Variants in PIK3R5 observed in about 807,000 individuals in gnomAD.
PIK3R5 encodes the protein phosphoinositide 3-kinase regulatory subunit 5.
A neutral mutation model predicts 94.9 loss-of-function variants in PIK3R5; 32 were observed. That is an observed-to-expected ratio of 0.34 (90% confidence interval 0.25 to 0.45). The LOEUF (loss-of-function observed/expected upper bound fraction) is 0.45. Ranked by LOEUF, PIK3R5 falls within the 20% of genes least tolerant of loss-of-function variation. The pLI is 1.00. For missense variants in PIK3R5, 853 were observed against 1,144.6 expected, an observed-to-expected ratio of 0.75 and a Z score of 3.68; for synonymous variants, 443 against 479.4, an observed-to-expected ratio of 0.92 and a Z score of 0.99.
intron 1 of PIK3R5, among the ~76,000 whole-genome samples, chr17:8,961,043 G>A (rs146508582): frequency 1.7e-3 from 262 of 152,162 alleles, no homozygotes; most frequent in Non-Finnish European, 2.9e-3. Context: ...GCTATGGTGC[G>A]AAGACATAGA....
At chr17:8,905,594 A>T in intron 4 of PIK3R5, 75 bp downstream of exon 4, 1 of 1,075,614 alleles carries the variant, frequency 9.3e-7, no homozygotes, top group Non-Finnish European at 1.4e-6. Context: ...CAGAGGTGTG[A>T]GGGCTCTGCC....
intron 1 of PIK3R5, among the ~76,000 whole-genome samples, chr17:8,915,259 C>T (rs2090606672): frequency 6.6e-6 from 1 of 151,836 alleles, no homozygotes; most frequent in African/African-American, 2.4e-5. Context: ...CCTGTCTCTA[C>T]TAAAAATACA....
At chr17:8,887,062 G>C in intron 12 of PIK3R5, 34 bp downstream of exon 12, 1 of 1,612,434 alleles carries the variant, frequency 6.2e-7, no homozygotes, top group East Asian at 2.2e-5. Context: ...ACTGCAGCCA[G>C]TGGACCCTGT....
In PIK3R5 at chr17:8,890,977, C is replaced by G. The variant is rs1029567069; in HGVS notation, c.483-65G>C. 17 of 1,488,228 alleles carry G rather than the reference C, an allele frequency of 1.1e-5. No homozygotes were observed. The highest frequency in any genetic ancestry group is 9.5e-5 in the Admixed American group (5 of 52,630). 92.2% of individuals were successfully genotyped at this position (1,488,228 alleles called of 1,614,324 possible). A position where few individuals can be genotyped will look rare whatever the true frequency, so the allele number is the denominator to read the frequency against. ...GCAGCATGCCACAGTGCAGCCACCC[C>G]CCTCGTGCCTGCTGGTGCTCAGCTC... is the stretch of plus-strand genomic sequence containing the variant. On this transcript the variant is annotated intron_variant, in intron 6 of 18. Coordinates refer to ENST00000447110, the MANE Select transcript of PIK3R5 (RefSeq NM_001142633.3). This position sits in a 1 kb window ranked among gnomAD's most constrained non-coding sequence, Gnocchi z 6.1.
chr17:8,949,782 G>A (rs1334456754), intron 1 of PIK3R5, among the ~76,000 whole-genome samples: 3 of 152,128 alleles, frequency 2.0e-5, no homozygotes, highest in African/African-American at 7.2e-5. Flanking sequence ...TGGGAAGTGG[G>A]TGAGGGATAA....
chr17:8,916,929 T>G (rs1396430565), intron 1 of PIK3R5: 2 of 152,354 alleles, frequency 1.3e-5, no homozygotes, highest in Non-Finnish European at 2.9e-5. Flanking sequence ...CTCTCCACAC[T>G]GCTTTCCTGG....
Position 8,888,045 on chromosome 17 carries a change from AAT to A in PIK3R5, c.1616+124_1616+125del, listed in dbSNP as rs2089920439. On this transcript the variant is annotated intron_variant, in intron 10 of 18. Coordinates refer to ENST00000447110, the MANE Select transcript of PIK3R5 (RefSeq NM_001142633.3). This position sits in a 1 kb window ranked among gnomAD's most constrained non-coding sequence, Gnocchi z 7.8. ...TAATAATAATAATAATAATAATAATAATAAAATAAAAATAAATAAGGGAACTT... is the reference window on the plus strand; with the variant it reads ...TAATAATAATAATAATAATAATAATAAAAATAAAAATAAATAAGGGAACTT... 3.0e-5 allele frequency: 9 copies of A among 299,490 alleles called. No individual in the cohort carries two copies. Among genetic ancestry groups the A allele is most frequent in the African/African-American group, 4.6e-5 (2 of 43,640 alleles). The allele number at this position is 299,490 out of a possible 1,614,324, so 18.6% of individuals were successfully genotyped here. A position where few individuals can be genotyped will look rare whatever the true frequency, so the allele number is the denominator to read the frequency against.
At position 8,911,697 on chromosome 17, in the gene PIK3R5, T is replaced by A. The variant is rs1205887408; in HGVS notation, c.-13-190A>T. 2 of 557,178 alleles carry A rather than the reference T, an allele frequency of 3.6e-6. No homozygotes were observed. Among genetic ancestry groups the A allele is most frequent in the Non-Finnish European group, 6.5e-6 (2 of 309,516 alleles). The allele number at this position is 557,178 out of a possible 1,614,324, so 34.5% of individuals were successfully genotyped here. ...TAGGAATGGCATCTGGAGGGCCACA[T>A]CTGAGTGGCAGGACAGAGCACCCCT... On this transcript the variant is annotated intron_variant, in intron 1 of 18. Coordinates refer to ENST00000447110, the MANE Select transcript of PIK3R5 (RefSeq NM_001142633.3). This position sits in a 1 kb window ranked among gnomAD's most constrained non-coding sequence, Gnocchi z 5.3.
intron 1 of PIK3R5, among the ~76,000 whole-genome samples, chr17:8,940,555 T>TTTTTTG (rs138586119): frequency 4.6e-5 from 7 of 152,032 alleles, no homozygotes; most frequent in Non-Finnish European, 7.4e-5. Flanking sequence ...TGTTTGTTTG[T>TTTTTTG]TTTTTGTTTT....
intron 1 of PIK3R5, among the ~76,000 whole-genome samples, chr17:8,918,722 C>A (rs9915676): frequency 0.073 from 11,102 of 152,040 alleles, 991 homozygotes; most frequent in African/African-American, 0.21. Flanking sequence ...TATTTCCCCC[C>A]AAATAATTAC....
At chr17:8,933,561 A>G (rs2091022355) in intron 1 of PIK3R5, among the ~76,000 whole-genome samples, 1 of 152,216 alleles carries the variant, frequency 6.6e-6, no homozygotes, top group Admixed American at 6.5e-5. Context: ...TGAAACCAGC[A>G]TAATCCTGAT....
intron 5 of PIK3R5, among the ~76,000 whole-genome samples, chr17:8,902,411 C>T (rs888421990): frequency 3.3e-5 from 5 of 151,786 alleles, no homozygotes; most frequent in Admixed American, 6.6e-5. Context: ...TATGCCACCA[C>T]GCCCAAATAA....
intron 1 of PIK3R5, among the ~76,000 whole-genome samples, chr17:8,939,158 G>A (rs2091130083): frequency 6.6e-6 from 1 of 152,166 alleles, no homozygotes; most frequent in Non-Finnish European, 1.5e-5. Flanking sequence ...CGATGGCTCT[G>A]AGAGATAAAG....
intron 1 of PIK3R5, among the ~76,000 whole-genome samples, chr17:8,919,970 A>C (rs2090706433): frequency 6.9e-6 from 1 of 144,338 alleles, no homozygotes; most frequent in East Asian, 2.0e-4. Context: ...GCTCACTGCA[A>C]CCTCAGCCTC....
At position 8,904,051 on chromosome 17, in the gene PIK3R5, T is replaced by C. The variant is rs368008597; in HGVS notation, c.412+726A>G. Among the ~76,000 whole-genome samples, 191 of 152,326 alleles carry C rather than the reference T, an allele frequency of 1.3e-3. 2 individuals carry two copies. The highest frequency in any genetic ancestry group is 4.4e-3 in the African/African-American group (182 of 41,582). On this transcript the variant is annotated intron_variant, in intron 5 of 18. Transcript: ENST00000447110. The surrounding 1 kb of genome is among the most constrained non-coding windows in gnomAD (Gnocchi z 5.1). ...ATCGTTTCCATATATTGAGGGGTTT[T>C]GAATATCAGGAATGATGATGAATTT...
chr17:8,891,078 G>A (rs547040476), intron 6 of PIK3R5, among the ~76,000 whole-genome samples, 166 bp from the exon 7 acceptor site: 4 of 152,362 alleles, frequency 2.6e-5, no homozygotes, highest in African/African-American at 9.6e-5. Context: ...AGAAGCAACA[G>A]CTCCAGGGTC....
At chr17:8,920,072 C>G (rs898787575) in intron 1 of PIK3R5, among the ~76,000 whole-genome samples, 1 of 151,862 alleles carries the variant, frequency 6.6e-6, no homozygotes, top group Non-Finnish European at 1.5e-5. Context: ...TTAGTAGAGA[C>G]AGGGTTTCAC....
In PIK3R5 at chr17:8,883,385, A is replaced by C. The variant is rs1222438164; in HGVS notation, c.2205+1322T>G. ...TATGTCTCAAAAAAACAAACAAAAA[A>C]CCACAAAACTCCTTTCATTGCAATT... On this transcript the variant is annotated intron_variant, in intron 15 of 18. Transcript: ENST00000447110. Among the ~76,000 whole-genome samples, 3 of 152,248 alleles carry C rather than the reference A, an allele frequency of 2.0e-5. No homozygotes were observed. The East Asian group carries it at 5.8e-4, about 29-fold the overall frequency.
intron 1 of PIK3R5, among the ~76,000 whole-genome samples, chr17:8,949,814 C>T (rs961348254): frequency 4.6e-5 from 7 of 152,100 alleles, no homozygotes; most frequent in South Asian, 2.1e-4. Context: ...TTAGGTACAA[C>T]GTACACTGCA....
Sources: gnomAD v4.1 joint callset for allele counts (sites outside exome capture counted in the v4.1 genomes callset) on GRCh38, gnomAD v4.1.1 for gene constraint, Gnocchi (gnomAD v3.1) non-coding constraint, MANE v1.5 for transcripts, NCBI Gene and HGNC (gene_info 2026-07-23, HGNC 2026-07-21) for gene names.